Variants in CHRDL1 observed in about 807,000 individuals in gnomAD.
CHRDL1 encodes chordin like 1, also known as chordin-like protein 1.
Under a neutral mutation model 40.9 loss-of-function variants are expected in CHRDL1, and 19 were observed. The observed-to-expected ratio is 0.46, with a 90% confidence interval of 0.32 to 0.68. The LOEUF is 0.68. CHRDL1 is among the 30% of genes least tolerant of loss of function. The pLI is 0.03. For synonymous variants in CHRDL1, 136 were observed against 123.4 expected (o/e 1.10, Z -0.68); for missense variants, 329 against 352.1 (o/e 0.93, Z 0.53).
In CHRDL1 at chrX:110,674,261, A is replaced by G. The variant is rs756457567; in HGVS notation, c.*1970T>C. 9.0e-6 allele frequency: 1 copy of G among 110,967 alleles called. No homozygotes were observed. The highest frequency in any genetic ancestry group is 1.9e-5 in the Non-Finnish European group (1 of 52,988). The allele number at this position is 110,967 out of a possible 1,213,427, so 9.1% of individuals were successfully genotyped here. A position where few individuals can be genotyped will look rare whatever the true frequency, so the allele number is the denominator to read the frequency against. On this transcript the variant is annotated 3_prime_UTR_variant, in exon 12 of 12. Transcript: ENST00000372042. ...TGTCCCAGCACCTGGAGGCAGGAGT[A>G]TATCTAGGGAAACTCTCTGCGTGTT...
intron 2 of CHRDL1, among the ~76,000 whole-genome samples, chrX:110,775,642 G>T (rs2089839859): frequency 9.0e-6 from 1 of 111,342 alleles, no homozygotes; most frequent in South Asian, 3.7e-4. Context: ...GTTGGATTTT[G>T]GGGATTTTTA....
chrX:110,692,065 A>T (rs1383875063), intron 8 of CHRDL1, among the ~76,000 whole-genome samples: 1 of 111,597 alleles, frequency 9.0e-6, no homozygotes, highest in African/African-American at 3.3e-5. Context: ...ATTTGATGCT[A>T]ACAAGGAGCC....
At chrX:110,762,611 A>G in intron 3 of CHRDL1, 84 bp downstream of exon 3, 1 of 554,610 alleles carries the variant, frequency 1.8e-6, no homozygotes, top group Non-Finnish European at 3.1e-6. Flanking sequence ...TTTATCATCC[A>G]TGGTCCCTGG....
chrX:110,695,876 TTCTA>T (rs1035857147), intron 7 of CHRDL1, among the ~76,000 whole-genome samples: 1 of 112,310 alleles, frequency 8.9e-6, no homozygotes, highest in Admixed American at 9.4e-5. Flanking sequence ...GACAATGTTA[TTCTA>T]TCTAAGAAGA....
intron 8 of CHRDL1, among the ~76,000 whole-genome samples, chrX:110,690,301 G>A (rs2070247881): frequency 9.4e-6 from 1 of 106,141 alleles, no homozygotes; most frequent in East Asian, 2.9e-4. Flanking sequence ...GCCTGCCTCG[G>A]CCTCCCAAAG....
rs1427262231 is a variant in CHRDL1 at position 110,673,994 on chromosome X, A to C, written c.*2237T>G. On this transcript the variant is annotated 3_prime_UTR_variant, in exon 12 of 12. Transcript: ENST00000372042. The stretch of plus-strand genomic sequence containing the variant: ...TGTTATGTTACTCTTACTTGTTTAC[A>C]TGAGTTAACTAGAAAATGGCTACAA... The C allele has an allele frequency of 8.9e-6, 1 of 112,587 alleles. No homozygotes were observed. The highest frequency in any genetic ancestry group is 1.9e-5 in the Non-Finnish European group (1 of 53,330). 9.3% of individuals were successfully genotyped at this position (112,587 alleles called of 1,213,427 possible). A position where few individuals can be genotyped will look rare whatever the true frequency, so the allele number is the denominator to read the frequency against.
chrX:110,720,785 T>C (rs751190293), intron 5 of CHRDL1, among the ~76,000 whole-genome samples: 3 of 111,716 alleles, frequency 2.7e-5, no homozygotes, highest in Non-Finnish European at 5.6e-5. Context: ...TCTAGTTCTA[T>C]TGATTATATT....
At chrX:110,693,666 T>C (rs1461283501) in intron 8 of CHRDL1, among the ~76,000 whole-genome samples, 2 of 111,560 alleles carry the variant, frequency 1.8e-5, no homozygotes, top group African/African-American at 6.5e-5. Flanking sequence ...TTTCTAAGGA[T>C]AGTCTCATAT....
At chrX:110,741,541 C>T (rs2071360361) in intron 4 of CHRDL1, among the ~76,000 whole-genome samples, 1 of 111,155 alleles carries the variant, frequency 9.0e-6, no homozygotes, top group Admixed American at 9.5e-5. Flanking sequence ...CTTGGAGGGT[C>T]TGATGAGGGT....
At chrX:110,775,019 C>A (rs1387751178) in intron 2 of CHRDL1, among the ~76,000 whole-genome samples, 1 of 111,586 alleles carries the variant, frequency 9.0e-6, no homozygotes, top group Non-Finnish European at 1.9e-5. Context: ...TTCCACAGAC[C>A]ATACCAATAG....
intron 9 of CHRDL1, among the ~76,000 whole-genome samples, chrX:110,686,511 G>T (rs1231569580): frequency 1.8e-5 from 2 of 111,473 alleles, no homozygotes; most frequent in Non-Finnish European, 3.8e-5. Context: ...AGAAAATTGT[G>T]TTCATGAAAC....
chrX:110,757,402 C>A (rs1333692040), intron 4 of CHRDL1, among the ~76,000 whole-genome samples: 1 of 110,452 alleles, frequency 9.1e-6, no homozygotes, highest in Non-Finnish European at 1.9e-5. Flanking sequence ...GAAGAACCCG[C>A]AAAAGAACTA....
chrX:110,740,652 G>A, intron 4 of CHRDL1, among the ~76,000 whole-genome samples: 1 of 111,896 alleles, frequency 8.9e-6, no homozygotes. Flanking sequence ...ATGAGGAATG[G>A]GCTTTGATAT....
intron 6 of CHRDL1, among the ~76,000 whole-genome samples, chrX:110,706,568 G>A (rs1415844504): frequency 9.0e-6 from 1 of 111,421 alleles, no homozygotes; most frequent in Non-Finnish European, 1.9e-5. Flanking sequence ...AACTCCTGTG[G>A]CTTCCATTAA....
chrX:110,785,077 C>T (rs1569484697), intron 2 of CHRDL1, among the ~76,000 whole-genome samples: 1 of 112,110 alleles, frequency 8.9e-6, no homozygotes, highest in Non-Finnish European at 1.9e-5. Context: ...AGCACTTTAG[C>T]GGTGCAAATC....
intron 2 of CHRDL1, among the ~76,000 whole-genome samples, chrX:110,783,757 C>T (rs138762233): frequency 4.3e-4 from 48 of 111,313 alleles, no homozygotes; most frequent in Middle Eastern, 4.7e-3. Context: ...TTAGGGGCCC[C>T]TGTTAATAGG....
At chrX:110,777,044 T>C (rs2089864042) in intron 2 of CHRDL1, among the ~76,000 whole-genome samples, 1 of 111,543 alleles carries the variant, frequency 9.0e-6, no homozygotes, top group African/African-American at 3.2e-5. Context: ...GATCTCTTCA[T>C]TGTCTCCATA....
chrX:110,719,254 C>G (rs969324986), intron 6 of CHRDL1, among the ~76,000 whole-genome samples: 5 of 110,842 alleles, frequency 4.5e-5, no homozygotes, highest in African/African-American at 1.6e-4. Context: ...ATCCCAGGAA[C>G]CTAGCGAAAA....
chrX:110,721,680 C>G, intron 4 of CHRDL1, 150 bp from the exon 5 acceptor site: 2 of 480,372 alleles, frequency 4.2e-6, no homozygotes, highest in Non-Finnish European at 7.4e-6. Flanking sequence ...AATGTTAAAA[C>G]AGCCAGACAA....
Sources: allele counts gnomAD v4.1 joint callset (sites outside exome capture counted in the v4.1 genomes callset), GRCh38; gene constraint gnomAD v4.1.1; transcripts MANE v1.5; gene names NCBI Gene and HGNC (gene_info 2026-07-23, HGNC 2026-07-21).